The following TBC1D5 variants were observed in gnomAD, a reference collection of about 807,000 sequenced individuals.
TBC1D5 encodes TBC1 domain family, member 5.
A neutral mutation model predicts 100.3 loss-of-function variants in TBC1D5; 75 were observed. The ratio of observed to expected loss-of-function variants is 0.75; its 90% CI spans 0.62 to 0.91. TBC1D5 has a LOEUF of 0.91. TBC1D5 is among the 40% of genes least tolerant of loss of function. TBC1D5 has a pLI of 0.00. For synonymous variants in TBC1D5, 323 were observed against 325.6 expected, an observed-to-expected ratio of 0.99 and a Z score of 0.09; for missense variants, 910 against 942.4, an observed-to-expected ratio of 0.97 and a Z score of 0.45.
At chr3:17,222,987 G>A (rs985504732) in intron 17 of TBC1D5, among the ~76,000 whole-genome samples, 16 of 151,738 alleles carry the variant, frequency 1.1e-4, no homozygotes, top group Non-Finnish European at 4.4e-5. Context: ...AAAAACCATC[G>A]TAAGCAGTTA....
At chr3:17,331,135 C>A (rs2086813164) in intron 13 of TBC1D5, among the ~76,000 whole-genome samples, 1 of 152,156 alleles carries the variant, frequency 6.6e-6, no homozygotes, top group Non-Finnish European at 1.5e-5. Flanking sequence ...TTGTTTACAA[C>A]CCTTTAGTGA....
intron 15 of TBC1D5, among the ~76,000 whole-genome samples, chr3:17,269,367 C>T (rs115659122): frequency 0.012 from 1,763 of 152,116 alleles, 29 homozygotes; most frequent in African/African-American, 0.039. Context: ...GTGGGACTGC[C>T]GATAGCAGAG....
intron 18 of TBC1D5, among the ~76,000 whole-genome samples, chr3:17,188,233 G>C (rs1559375773): frequency 6.6e-6 from 1 of 152,166 alleles, no homozygotes; most frequent in Non-Finnish European, 1.5e-5. Context: ...GAGTGTAGCA[G>C]TCCAGGGCAC....
intron 18 of TBC1D5, 121 bp downstream of exon 19, chr3:17,214,086 C>T: frequency 1.1e-6 from 1 of 902,266 alleles, no homozygotes; most frequent in South Asian, 2.8e-5. Flanking sequence ...TAAAATAATT[C>T]CTTTTAGTCC....
At chr3:17,687,398 T>C (rs2070459890) in intron 1 of TBC1D5, among the ~76,000 whole-genome samples, 1 of 152,194 alleles carries the variant, frequency 6.6e-6, no homozygotes, top group Non-Finnish European at 1.5e-5. Context: ...TGACCTGTTA[T>C]ATTATCATAT....
chr3:17,505,357 C>G (rs758648617), intron 3 of TBC1D5, among the ~76,000 whole-genome samples: 6 of 152,248 alleles, frequency 3.9e-5, no homozygotes, highest in African/African-American at 7.2e-5. Context: ...ACCTCCTCCC[C>G]CTTTGCCTTT....
intron 4 of TBC1D5, among the ~76,000 whole-genome samples, chr3:17,417,341 C>T (rs1388408711): frequency 1.4e-5 from 2 of 141,340 alleles, no homozygotes; most frequent in African/African-American, 5.5e-5. Flanking sequence ...TCCCTCCCCC[C>T]TCCCCCTACC....
intron 2 of TBC1D5, among the ~76,000 whole-genome samples, chr3:17,612,295 G>A (rs1577014495): frequency 7.5e-6 from 1 of 133,292 alleles, no homozygotes; most frequent in African/African-American, 2.8e-5. Flanking sequence ...CTAAGACACC[G>A]TCTCAAAAAA....
chr3:17,643,846 G>A (rs2064767902), intron 1 of TBC1D5, among the ~76,000 whole-genome samples: 1 of 152,008 alleles, frequency 6.6e-6, no homozygotes, highest in Non-Finnish European at 1.5e-5. Context: ...AATGCATCAC[G>A]ATGCATATTT....
At chr3:17,163,294 G>A (rs949651748) in intron 21 of TBC1D5, among the ~76,000 whole-genome samples, 4 of 141,546 alleles carry the variant, frequency 2.8e-5, no homozygotes, top group Admixed American at 2.2e-4. Context: ...TACAGATCAA[G>A]AAAACGAGCC....
At chr3:17,492,715 C>T (rs959858971) in intron 3 of TBC1D5, among the ~76,000 whole-genome samples, 11 of 152,278 alleles carry the variant, frequency 7.2e-5, no homozygotes, top group Admixed American at 2.6e-4. Flanking sequence ...GGATTACAGG[C>T]GTGAGCCACC....
At chr3:17,386,049 T>C (rs2093139257) in intron 8 of TBC1D5, among the ~76,000 whole-genome samples, 1 of 152,086 alleles carries the variant, frequency 6.6e-6, no homozygotes, top group Non-Finnish European at 1.5e-5. Flanking sequence ...TTAATCAGGA[T>C]AAAAGATAGG....
chr3:17,647,004 G>A (rs1465380968), intron 1 of TBC1D5: 1 of 151,884 alleles, frequency 6.6e-6, no homozygotes, highest in African/African-American at 2.4e-5. Flanking sequence ...GCAGTATTTT[G>A]TCCAAATTGT....
intron 8 of TBC1D5, among the ~76,000 whole-genome samples, chr3:17,385,259 T>C (rs1298122631): frequency 3.3e-5 from 5 of 151,978 alleles, no homozygotes; most frequent in Admixed American, 2.0e-4. Flanking sequence ...AATGATACTT[T>C]AGGTAATGAG....
chr3:17,552,181 A>G (rs1020662401), intron 2 of TBC1D5, among the ~76,000 whole-genome samples: 1 of 151,906 alleles, frequency 6.6e-6, no homozygotes, highest in African/African-American at 2.4e-5. Flanking sequence ...AGGACCTATG[A>G]TCTTAAGAGA....
At chr3:17,740,818 A>T (rs2154007934) in exon 1 of TBC1D5, 1 of 152,340 alleles carries the variant, frequency 6.6e-6, no homozygotes, top group South Asian at 2.1e-4. Context: ...ATATGTTGAT[A>T]AAACCCAATG....
At chr3:17,724,757 A>T (rs2075985803) in intron 1 of TBC1D5, among the ~76,000 whole-genome samples, 1 of 152,076 alleles carries the variant, frequency 6.6e-6, no homozygotes, top group Admixed American at 6.6e-5. Context: ...AAGACATGTC[A>T]CTTTCTCATT....
At chr3:17,479,267 G>C (rs2150285062) in intron 3 of TBC1D5, among the ~76,000 whole-genome samples, 1 of 152,160 alleles carries the variant, frequency 6.6e-6, no homozygotes, top group East Asian at 1.9e-4. Context: ...GCCAGGCATG[G>C]TAGCACATAC....
intron 2 of TBC1D5, among the ~76,000 whole-genome samples, chr3:17,601,127 C>T (rs1331564818): frequency 6.6e-6 from 1 of 152,222 alleles, no homozygotes; most frequent in African/African-American, 2.4e-5. Context: ...TATTCTAAAA[C>T]TGTTGCTGCT....
Sources: allele counts gnomAD v4.1 joint callset (sites outside exome capture counted in the v4.1 genomes callset), GRCh38; gene constraint gnomAD v4.1.1; transcripts MANE v1.5; gene names NCBI Gene and HGNC (gene_info 2026-07-23, HGNC 2026-07-21).